PODNL1: variants seen among roughly 807,000 people sequenced by gnomAD.
PODNL1 encodes podocan-like protein 1.
A neutral mutation model predicts 45.1 loss-of-function variants in PODNL1; 50 were observed. The observed-to-expected ratio is 1.11, with a 90% CI of 0.88 to 1.40. The LOEUF is 1.40. Ranked by LOEUF, PODNL1 falls within the 40% of genes most tolerant of loss-of-function variation. The probability of loss-of-function intolerance (pLI) is 0.00; values close to 1 mark genes in which losing one functional copy is unlikely to be tolerated. For missense variants in PODNL1, 788 were observed against 793.3 expected, an observed-to-expected ratio of 0.99 and a Z score of 0.08; for synonymous variants, 406 against 372.5, an observed-to-expected ratio of 1.09 and a Z score of -1.04.
At position 13,931,446 on chromosome 19, in the gene PODNL1, C is replaced by T. The variant is rs1971935344; in HGVS notation, c.*291G>A. 1 of 331,770 alleles carries T rather than the reference C, an allele frequency of 3.0e-6. No individual in the cohort carries two copies. The highest frequency in any genetic ancestry group is 5.4e-6 in the Non-Finnish European group (1 of 183,972). 20.6% of individuals were successfully genotyped at this position (331,770 alleles called of 1,614,324 possible). On this transcript the variant is annotated 3_prime_UTR_variant, in exon 10 of 10. Transcript: ENST00000588872. ...GGGGAGGAGTCCGTGGACAGAGCCCCCAAAGGGTGCCTGGTCCGTGCTGAG... is the reference window on the plus strand; with the variant it reads ...GGGGAGGAGTCCGTGGACAGAGCCCTCAAAGGGTGCCTGGTCCGTGCTGAG...
rs1348778100 is a variant in PODNL1 at position 13,931,697 on chromosome 19, G to C, written c.*40C>G. On this transcript the variant is annotated 3_prime_UTR_variant, in exon 10 of 10. Coordinates refer to ENST00000588872, the MANE Select transcript of PODNL1 (RefSeq NM_001370095.3). ...TCTCCTCAGTCCACGGCCCAGCGGA[G>C]TCCCAGGAGTCTGAGCTGCTCTGCT... 6.8e-5 allele frequency: 84 copies of C among 1,231,486 alleles called. No homozygotes were observed. Among genetic ancestry groups the C allele is most frequent in the Non-Finnish European group, 7.9e-5 (78 of 987,878 alleles). 76.3% of individuals were successfully genotyped at this position (1,231,486 alleles called of 1,614,324 possible). A position where few individuals can be genotyped will look rare whatever the true frequency, so the allele number is the denominator to read the frequency against.
At chr19:13,934,989 T>TGCATGC (rs1195459533) in intron 5 of PODNL1, among the ~76,000 whole-genome samples, 1 of 151,908 alleles carries the variant, frequency 6.6e-6, no homozygotes. Flanking sequence ...TGATTGCGTG[T>TGCATGC]GCATGCATGA....
chr19:13,937,443 C>T (rs1431025078), intron 2 of PODNL1, among the ~76,000 whole-genome samples: 2 of 144,970 alleles, frequency 1.4e-5, no homozygotes, highest in Non-Finnish European at 3.0e-5. Context: ...CCCAAATGTG[C>T]CATCACCCCC....
intron 1 of PODNL1, chr19:13,952,459 G>A: frequency 8.0e-7 from 1 of 1,245,984 alleles, no homozygotes; most frequent in Non-Finnish European, 1.0e-6. Context: ...TGAGGAGGCG[G>A]CAGGGGTGGG....
chr19:13,942,386 C>A (rs904117506), upstream of PODNL1, among the ~76,000 whole-genome samples: 1 of 152,176 alleles, frequency 6.6e-6, no homozygotes, highest in Non-Finnish European at 1.5e-5. Flanking sequence ...ACTTAAATCT[C>A]ATTGGCCTAA....
rs1346555939 is a variant in PODNL1, at chr19:13,932,933, T to C, written c.1290A>G (p.Gln430=). ...GCTCGAGCATCCGCAGCTGGTTGCG[T>C]TGCAGCTGCAGGGTGCGCAGGCCAG... ...LPTGLRTLQL[Q]RNQLRMLEPE... Residue 430 remains glutamine (Q), a synonymous_variant, in exon 8 of 10, where the codon CAA becomes CAG. Coordinates refer to ENST00000588872, the MANE Select transcript of PODNL1 (RefSeq NM_001370095.3). 30 of 1,570,848 alleles carry C rather than the reference T, an allele frequency of 1.9e-5. No homozygotes were observed. The highest frequency in any genetic ancestry group is 2.3e-5 in the East Asian group (1 of 42,756).
rs1034592700 is a variant in PODNL1, at chr19:13,933,641, A to G, written c.768-186T>C. Among the ~76,000 whole-genome samples, 1 of 151,934 alleles carries G rather than the reference A, an allele frequency of 6.6e-6. No individual in the cohort carries two copies. Among genetic ancestry groups the G allele is most frequent in the Non-Finnish European group, 1.5e-5 (1 of 67,990 alleles). ...TGCCCAGGGCAGATTCCAGCCTGAG[A>G]GTTAGCTATGGGGGTGACCAGGGTA... On this transcript the variant is annotated intron_variant, in intron 7 of 9. Transcript: ENST00000588872. This position sits in a 1 kb window ranked among gnomAD's most constrained non-coding sequence, Gnocchi z 5.2.
At chr19:13,947,405 C>T (rs899332757) in intron 1 of PODNL1, among the ~76,000 whole-genome samples, 7 of 148,062 alleles carry the variant, frequency 4.7e-5, no homozygotes, top group East Asian at 4.1e-4. Context: ...CACTTGAACC[C>T]GGGAGACGGA....
rs371618255 is a variant in PODNL1 at position 13,937,778 on chromosome 19, G to T, written c.225+7C>A. 6.4e-7 allele frequency: 1 copy of T among 1,571,946 alleles called. No individual in the cohort carries two copies. The highest frequency in any genetic ancestry group is 1.2e-5 in the South Asian group (1 of 85,620). ...TGCATGCCCCCACTCCCCTCCGTGG[G>T]CCCCACCTGCAGGGAGAGGTGCTGA... On this transcript the variant is annotated splice_region_variant and intron_variant, in intron 2 of 9. Transcript: ENST00000588872.
At chr19:13,943,294 A>T (rs1421801879), upstream of PODNL1, among the ~76,000 whole-genome samples, 1 of 149,982 alleles carries the variant, frequency 6.7e-6, no homozygotes, top group African/African-American at 2.5e-5. Flanking sequence ...GAAACTCCAA[A>T]AAAAAAAAGA....
At position 13,933,917 on chromosome 19, in the gene PODNL1, T is replaced by C. The variant is rs1193312368; in HGVS notation, c.728A>G (p.Asn243Ser). Reference sequence around the variant, plus strand: ...ATCCAGGCCACTGTCTGTCAGCTGGTTGTGCTGGAGGTAGAGCTCACGGAG... The same window carrying C: ...ATCCAGGCCACTGTCTGTCAGCTGGCTGTGCTGGAGGTAGAGCTCACGGAG... Reference protein sequence around the residue: ...TQLRELYLQHNQLTDSGLDAT... With the variant: ...TQLRELYLQHSQLTDSGLDAT... The change falls in exon 7 of 10, where the codon AAC becomes AGC. Residue 243 changes from asparagine to serine, a missense_variant. Transcript: ENST00000588872. This position sits in a 1 kb window ranked among gnomAD's most constrained non-coding sequence, Gnocchi z 5.2. 1 of 1,612,366 alleles carries C rather than the reference T, an allele frequency of 6.2e-7. No individual in the cohort carries two copies. Among genetic ancestry groups the C allele is most frequent in the Middle Eastern group, 1.7e-4 (1 of 5,952 alleles).
In PODNL1 at chr19:13,931,760, C is replaced by T; in HGVS notation, c.1702G>A (p.Gly568Arg). 2 of 1,231,912 alleles carry T rather than the reference C, an allele frequency of 1.6e-6. No homozygotes were observed. Among genetic ancestry groups the T allele is most frequent in the Non-Finnish European group, 1.0e-6 (1 of 987,972 alleles). The allele number at this position is 1,231,912 out of a possible 1,614,324, so 76.3% of individuals were successfully genotyped here. ...LIRLPPTTPRGPRAGGP is the reference protein window; with the variant it reads ...LIRLPPTTPRRPRAGGP Reference sequence around the variant, plus strand: ...GATCAGGGGCCCCCTGCCCGTGGCCCACGTGGGGTGGTGGGAGGCAGCCGG... The same window carrying T: ...GATCAGGGGCCCCCTGCCCGTGGCCTACGTGGGGTGGTGGGAGGCAGCCGG... The change falls in exon 10 of 10, where the codon GGG (glycine) becomes AGG (arginine). Residue 568 changes from glycine (G) to arginine (R), a missense_variant. By Grantham distance (125) the Gly-to-Arg change is moderately radical (BLOSUM62 -2). This residue lies in a region of PODNL1 where 17 missense variants were observed against 16.7 expected (regional missense o/e 1.02). Coordinates refer to ENST00000588872, the MANE Select transcript of PODNL1 (RefSeq NM_001370095.3).
At chr19:13,946,756 A>T (rs1261324090) in intron 1 of PODNL1, among the ~76,000 whole-genome samples, 1 of 152,124 alleles carries the variant, frequency 6.6e-6, no homozygotes, top group Non-Finnish European at 1.5e-5. Flanking sequence ...AACGATCAGA[A>T]ATATGGGAAA....
rs1973112326 is a variant in PODNL1, at chr19:13,952,697, G to C, written c.18+422C>G. ...GCGCCGGAGGGTGGGGAGTAGGGAC[G>C]AGGGAGGCGGAGGGAGGAGGGCGTT... On this transcript the variant is annotated intron_variant, in intron 1 of 7. Transcript: ENST00000538371. 4 of 1,296,134 alleles carry C rather than the reference G, an allele frequency of 3.1e-6. No homozygotes were observed. The East Asian group carries it at 9.5e-5, about 31-fold the overall frequency. 80.3% of individuals were successfully genotyped at this position (1,296,134 alleles called of 1,614,324 possible).
intron 1 of PODNL1, among the ~76,000 whole-genome samples, chr19:13,947,339 G>A (rs1972856560): frequency 1.3e-5 from 2 of 151,670 alleles, no homozygotes; most frequent in African/African-American, 4.8e-5. Context: ...AAATTAGCTG[G>A]GCCTGGTGGT....
upstream of PODNL1, among the ~76,000 whole-genome samples, chr19:13,942,232 C>T (rs1159899339): frequency 1.3e-5 from 2 of 152,178 alleles, no homozygotes; most frequent in Non-Finnish European, 1.5e-5. Context: ...CCTTCAGGCA[C>T]AGCTGGATCC....
chr19:13,938,548 C>G (rs554155293), upstream of PODNL1: 1 of 946,294 alleles, frequency 1.1e-6, no homozygotes, highest in Non-Finnish European at 1.3e-6. Flanking sequence ...TTGGGACGAC[C>G]GCAGGAGTAG....
At chr19:13,943,039 G>A (rs1470685071), upstream of PODNL1, among the ~76,000 whole-genome samples, 1 of 151,708 alleles carries the variant, frequency 6.6e-6, no homozygotes, top group East Asian at 1.9e-4. Context: ...GTCTCATGCT[G>A]TAATCCCAGC....
chr19:13,953,039 C>T (rs1268271796), intron 1 of PODNL1: 5 of 1,485,458 alleles, frequency 3.4e-6, no homozygotes, highest in Non-Finnish European at 4.6e-6. Context: ...GAGCCCCTGC[C>T]GCTGGCTTTG....
Sources: gnomAD v4.1 joint callset for allele counts (sites outside exome capture counted in the v4.1 genomes callset) on GRCh38, gnomAD v4.1.1 for gene constraint, gnomAD v4.1.1 regional missense constraint, Gnocchi (gnomAD v3.1) non-coding constraint, MANE v1.5 for transcripts, NCBI Gene and HGNC (gene_info 2026-07-23, HGNC 2026-07-21) for gene names.